Variants in WDFY2 observed in about 807,000 individuals in gnomAD.
WDFY2 encodes the protein WD repeat and FYVE domain-containing protein 2.
WDFY2 carries 36 observed loss-of-function variants against 56.4 expected under a neutral mutation model. The ratio of observed to expected loss-of-function variants is 0.64; its 90% CI spans 0.49 to 0.84. The LOEUF (loss-of-function observed/expected upper bound fraction) is 0.84, where lower values mean the gene tolerates loss of function less well. Ranked by LOEUF, WDFY2 falls within the 40% of genes least tolerant of loss-of-function variation. The pLI is 0.00. For synonymous variants in WDFY2, 176 were observed against 183.7 expected, an observed-to-expected ratio of 0.96 and a Z score of 0.34; for missense variants, 444 against 512.2, an observed-to-expected ratio of 0.87 and a Z score of 1.29.
At chr13:51,690,115 G>A (rs1480652228) in intron 3 of WDFY2, among the ~76,000 whole-genome samples, 1 of 151,448 alleles carries the variant, frequency 6.6e-6, no homozygotes. Context: ...ATATTAACAT[G>A]TAATACATTT....
At position 51,763,237 on chromosome 13, in the gene WDFY2, CAG is replaced by C. The variant is rs1296086236; in HGVS notation, c.*3469_*3470del. 1.3e-5 allele frequency: 2 copies of C among 152,172 alleles called. No individual in the cohort carries two copies. Among genetic ancestry groups the C allele is most frequent in the African/African-American group, 4.8e-5 (2 of 41,438 alleles). The allele number at this position is 152,172 out of a possible 1,614,324, so 9.4% of individuals were successfully genotyped here. A position where few individuals can be genotyped will look rare whatever the true frequency, so the allele number is the denominator to read the frequency against. ...AGGAGAGACTTTCAGCACCTTGAGACAGGGCGCTCTCTGGAACCAGCTTTGTT... is the reference window on the plus strand; with the variant it reads ...AGGAGAGACTTTCAGCACCTTGAGACGGCGCTCTCTGGAACCAGCTTTGTT... On this transcript the variant is annotated 3_prime_UTR_variant, in exon 12 of 12. Transcript: ENST00000298125.
chr13:51,751,613 A>G (rs575150241), intron 8 of WDFY2, 198 bp downstream of exon 8: 3 of 567,010 alleles, frequency 5.3e-6, no homozygotes, highest in South Asian at 1.7e-5. Context: ...TGGAGAGTTC[A>G]TAAGAATTTT....
chr13:51,641,171 C>A (rs879333962), intron 1 of WDFY2, among the ~76,000 whole-genome samples: 16 of 152,106 alleles, frequency 1.1e-4, no homozygotes, highest in Admixed American at 2.6e-4. Context: ...CCTCCGAGTT[C>A]AAATGATTCT....
rs1953624705 is a variant in WDFY2, at chr13:51,762,735, T to C, written c.*2966T>C. The C allele has an allele frequency of 6.6e-6, 1 of 152,232 alleles. No individual in the cohort carries two copies. The highest frequency in any genetic ancestry group is 2.4e-5 in the African/African-American group (1 of 41,462). 9.4% of individuals were successfully genotyped at this position (152,232 alleles called of 1,614,324 possible). ...GTTTTACCCTGTTGGATTTGCACTT[T>C]ACATATATTTTTGCTCTATTACTTA... On this transcript the variant is annotated 3_prime_UTR_variant, in exon 12 of 12. Coordinates refer to ENST00000298125, the MANE Select transcript of WDFY2 (RefSeq NM_052950.4).
At chr13:51,656,164 T>C (rs995718156) in intron 1 of WDFY2, among the ~76,000 whole-genome samples, 1 of 152,012 alleles carries the variant, frequency 6.6e-6, no homozygotes, top group East Asian at 1.9e-4. Flanking sequence ...ATTTGTGATC[T>C]TCTTTTTTAA....
intron 4 of WDFY2, among the ~76,000 whole-genome samples, chr13:51,716,562 G>A (rs1330387185): frequency 2.7e-5 from 4 of 149,940 alleles, no homozygotes; most frequent in East Asian, 1.9e-4. Flanking sequence ...GCGTAGTGGC[G>A]GGCGCCTGTA....
In WDFY2 at chr13:51,759,973, TATAAA is replaced by T; in HGVS notation, c.*206_*210del. The stretch of plus-strand genomic sequence containing the variant: ...GGACTCTTCCAACTTGTTCATACAA[TATAAA>T]AGAAGCTATTTTTTTAACAAATGGT... On this transcript the variant is annotated 3_prime_UTR_variant, in exon 12 of 12. Transcript: ENST00000298125. 1 of 514,640 alleles carries T rather than the reference TATAAA, an allele frequency of 1.9e-6. No individual in the cohort carries two copies. Among genetic ancestry groups the T allele is most frequent in the Non-Finnish European group, 3.5e-6 (1 of 284,524 alleles). The allele number at this position is 514,640 out of a possible 1,614,324, so 31.9% of individuals were successfully genotyped here. A position where few individuals can be genotyped will look rare whatever the true frequency, so the allele number is the denominator to read the frequency against.
chr13:51,682,099 C>T (rs529432644), intron 3 of WDFY2, among the ~76,000 whole-genome samples: 12 of 152,196 alleles, frequency 7.9e-5, no homozygotes, highest in East Asian at 3.9e-4. Context: ...TGTGAATACC[C>T]GTAGGAGCAC....
At chr13:51,626,727 A>G (rs1009777112) in intron 1 of WDFY2, among the ~76,000 whole-genome samples, 2 of 152,244 alleles carry the variant, frequency 1.3e-5, no homozygotes, top group African/African-American at 4.8e-5. Flanking sequence ...ACTAGAGACA[A>G]CCACAATAAT....
At chr13:51,584,856 G>A (rs199599236) in intron 1 of WDFY2, 32 bp downstream of exon 1, 1 of 1,609,992 alleles carries the variant, frequency 6.2e-7, no homozygotes. Context: ...CCGCGAGGAG[G>A]GGCGGGACGG....
chr13:51,628,598 G>T (rs981919707), intron 1 of WDFY2, among the ~76,000 whole-genome samples: 1 of 152,154 alleles, frequency 6.6e-6, no homozygotes, highest in African/African-American at 2.4e-5. Context: ...CACAGAGCGA[G>T]TATCCCTAGC....
intron 1 of WDFY2, among the ~76,000 whole-genome samples, chr13:51,634,898 C>T (rs1419629820): frequency 6.6e-6 from 1 of 151,990 alleles, no homozygotes; most frequent in Non-Finnish European, 1.5e-5. Flanking sequence ...AGAGTCCCCC[C>T]ATAAGGAAGC....
chr13:51,586,324 A>C, intron 1 of WDFY2: 1 of 350,052 alleles, frequency 2.9e-6, no homozygotes. Context: ...GGAACTGATC[A>C]ATTTCTAACT....
At chr13:51,596,631 A>G (rs1420552117) in intron 1 of WDFY2, among the ~76,000 whole-genome samples, 1 of 152,222 alleles carries the variant, frequency 6.6e-6, no homozygotes, top group Non-Finnish European at 1.5e-5. Context: ...TTAAGGTTTC[A>G]CTTACATGGG....
intron 3 of WDFY2, among the ~76,000 whole-genome samples, chr13:51,683,001 A>G (rs1430933995): frequency 6.6e-6 from 1 of 152,024 alleles, no homozygotes; most frequent in Non-Finnish European, 1.5e-5. Context: ...TGACATGGAC[A>G]CTCTTTTTTC....
chr13:51,695,142 T>C (rs1423102778), intron 3 of WDFY2, among the ~76,000 whole-genome samples: 2 of 152,224 alleles, frequency 1.3e-5, no homozygotes, highest in Non-Finnish European at 2.9e-5. Flanking sequence ...CTCCTGTAGC[T>C]TGGAGTAGTT....
rs1169878175 is a variant in WDFY2, at chr13:51,760,960, C to T, written c.*1191C>T. The T allele has an allele frequency of 6.6e-6, 1 of 152,258 alleles. No homozygotes were observed. The highest frequency in any genetic ancestry group is 1.5e-5 in the Non-Finnish European group (1 of 68,062). 9.4% of individuals were successfully genotyped at this position (152,258 alleles called of 1,614,324 possible). On this transcript the variant is annotated 3_prime_UTR_variant, in exon 12 of 12. Coordinates refer to ENST00000298125, the MANE Select transcript of WDFY2 (RefSeq NM_052950.4). ...GTTGGGGACCCCCACCATACATGCT[C>T]TGAAAATAAGTGTCTTTAAGTTGTG...
At chr13:51,669,303 G>A (rs1955767214) in intron 2 of WDFY2, among the ~76,000 whole-genome samples, 1 of 152,118 alleles carries the variant, frequency 6.6e-6, no homozygotes, top group Non-Finnish European at 1.5e-5. Flanking sequence ...CAAACACTCA[G>A]TGTTATGAAA....
chr13:51,753,417 A>C (rs920174758), intron 8 of WDFY2, among the ~76,000 whole-genome samples: 1 of 152,216 alleles, frequency 6.6e-6, no homozygotes, highest in Non-Finnish European at 1.5e-5. Flanking sequence ...TTGTTTTGTT[A>C]ACTTTTAGCA....
Sources: allele counts gnomAD v4.1 joint callset (sites outside exome capture counted in the v4.1 genomes callset), GRCh38; gene constraint gnomAD v4.1.1; transcripts MANE v1.5; gene names NCBI Gene and HGNC (gene_info 2026-07-23, HGNC 2026-07-21).